TRIM10: variants seen among roughly 807,000 people sequenced by gnomAD.
The protein encoded by TRIM10 is tripartite motif containing 10.
In TRIM10, 42 loss-of-function variants were observed where a neutral mutation model predicts 40.0. The observed-to-expected ratio is 1.05, with a 90% CI of 0.82 to 1.36. The LOEUF is 1.36. Ranked by LOEUF, TRIM10 falls within the 40% of genes most tolerant of loss-of-function variation. The pLI, the probability that TRIM10 is intolerant of heterozygous loss-of-function variation, is 0.00. For missense variants in TRIM10, 601 were observed against 608.3 expected, an observed-to-expected ratio of 0.99 and a Z score of 0.13; for synonymous variants, 260 against 239.5, an observed-to-expected ratio of 1.09 and a Z score of -0.79.
In TRIM10 at chr6:30,154,096, C is replaced by T; in HGVS notation, c.1319G>A (p.Gly440Asp). Reference sequence around the variant, plus strand: ...GACAGCGTTGGTGAAGGTCACCCAGCCCACCTCATAGTCAAGAGACACCCT... The same window carrying T: ...GACAGCGTTGGTGAAGGTCACCCAGTCCACCTCATAGTCAAGAGACACCCT... ...QVRVSLDYEV[G>D]WVTFTNAVTR... The change falls in exon 7 of 7, where the codon GGC (glycine) becomes GAC (aspartate). Residue 440 changes from glycine (G) to aspartate (D), a missense_variant. Gly to Asp is a moderately conservative substitution (Grantham distance 94). Coordinates refer to ENST00000449742, the MANE Select transcript of TRIM10 (RefSeq NM_006778.4). 6.2e-7 allele frequency: 1 copy of T among 1,613,028 alleles called. No individual in the cohort carries two copies. The highest frequency in any genetic ancestry group is 1.3e-5 in the African/African-American group (1 of 75,024).
chr6:30,154,284 GC>G lies in TRIM10; in HGVS notation c.1130del (p.Gly377AlafsTer8). 6.2e-7 allele frequency: 1 copy of G among 1,612,770 alleles called. No individual in the cohort carries two copies. The highest frequency in any genetic ancestry group is 8.5e-7 in the Non-Finnish European group (1 of 1,179,758). ...CGCTCACCACGCCCACGGTGCAGCT[GC>G]CCCCATGGGCCAGGTCTATACTCAC... is the stretch of plus-strand genomic sequence containing the variant. ...WVVSIDLAHGGSCTVGVVSED... is the reference protein window; with the variant it reads ...WVVSIDLAHGXSCTVGVVSED... On this transcript the variant is annotated frameshift_variant, in exon 7 of 7. Transcript: ENST00000449742. LOFTEE classifies it high-confidence loss of function.
rs1452294848 is a variant in TRIM10, at chr6:30,152,630, C to T, written c.*1339G>A. 1 of 152,134 alleles carries T rather than the reference C, an allele frequency of 6.6e-6. No homozygotes were observed. The highest frequency in any genetic ancestry group is 6.5e-5 in the Admixed American group (1 of 15,270). The allele number at this position is 152,134 out of a possible 1,614,324, so 9.4% of individuals were successfully genotyped here. A position where few individuals can be genotyped will look rare whatever the true frequency, so the allele number is the denominator to read the frequency against. On this transcript the variant is annotated 3_prime_UTR_variant, in exon 7 of 7. Coordinates refer to ENST00000449742, the MANE Select transcript of TRIM10 (RefSeq NM_006778.4). The stretch of plus-strand genomic sequence containing the variant: ...TTGAGTTTGCACCCTGGATGGCTCC[C>T]CTCCTCCCAGGAGACCCAGTAGGGA...
At chr6:30,155,057 C>A (rs1170774373) in intron 6 of TRIM10, among the ~76,000 whole-genome samples, 1 of 152,150 alleles carries the variant, frequency 6.6e-6, no homozygotes, top group Non-Finnish European at 1.5e-5. Context: ...CCACTTTTTA[C>A]CACCAAAAAC....
chr6:30,156,906 C>T (rs764788620), intron 5 of TRIM10, 33 bp downstream of exon 5: 16 of 1,601,832 alleles, frequency 1.0e-5, no homozygotes, highest in South Asian at 8.8e-5. Context: ...TTCATGGCCA[C>T]CTGCGCTCTG....
At position 30,157,338 on chromosome 6, in the gene TRIM10, A is replaced by C. The variant is rs181340371; in HGVS notation, c.779+31T>G. 7.0e-6 allele frequency: 11 copies of C among 1,577,730 alleles called. No homozygotes were observed. The East Asian group carries it at 2.0e-4, about 29-fold the overall frequency. ...AGTACATGTATGTATATTTATATGG[A>C]AAAAGAAAAGAGAGAAACTATATTG... On this transcript the variant is annotated intron_variant, in intron 4 of 6. Coordinates refer to ENST00000449742, the MANE Select transcript of TRIM10 (RefSeq NM_006778.4).
At chr6:30,157,869 T>C (rs1203192420) in intron 3 of TRIM10, among the ~76,000 whole-genome samples, 3 of 152,106 alleles carry the variant, frequency 2.0e-5, no homozygotes, top group African/African-American at 7.2e-5. Context: ...GATGGTGAAG[T>C]GACCTTCCCC....
chr6:30,155,920 T>C (rs1020015203), intron 5 of TRIM10, among the ~76,000 whole-genome samples, 161 bp from the exon 6 acceptor site: 1 of 152,230 alleles, frequency 6.6e-6, no homozygotes, highest in Non-Finnish European at 1.5e-5. Flanking sequence ...CAGAATCATC[T>C]GGAGCTCTTG....
chr6:30,154,346 G>A lies in TRIM10; in HGVS notation c.1069C>T (p.His357Tyr). The change falls in exon 7 of 7, where the codon CAC becomes TAC. Residue 357 changes from histidine to tyrosine, a missense_variant. Transcript: ENST00000449742. ...RFDRATCVLA[H>Y]TGITGGRHTW... ...TGTCTCCCCCCTGTGATGCCAGTGTGGGCCAGAACACAGGTGGCCCGGTCA... is the reference window on the plus strand; with the variant it reads ...TGTCTCCCCCCTGTGATGCCAGTGTAGGCCAGAACACAGGTGGCCCGGTCA... 6.2e-7 allele frequency: 1 copy of A among 1,613,076 alleles called. No individual in the cohort carries two copies.
At chr6:30,157,799 A>G (rs544711734) in intron 3 of TRIM10, among the ~76,000 whole-genome samples, 4 of 151,940 alleles carry the variant, frequency 2.6e-5, no homozygotes, top group Admixed American at 2.6e-4. Context: ...AGAGTCACAG[A>G]GCATTAGGAC....
At chr6:30,163,858 G>T (rs1232098250), upstream of TRIM10, 1 of 1,613,014 alleles carries the variant, frequency 6.2e-7, no homozygotes, top group Non-Finnish European at 8.5e-7. Context: ...TGCTCTGCCC[G>T]CTCTGCCAAG....
rs907092811 is a variant in TRIM10, at chr6:30,160,941, C to T, written c.-83G>A. On this transcript the variant is annotated 5_prime_UTR_variant, in exon 1 of 7. Coordinates refer to ENST00000449742, the MANE Select transcript of TRIM10 (RefSeq NM_006778.4). Reference sequence around the variant, plus strand: ...AGGGCTGGGTCACACACTCACACACCCACACATGCACATGGCTGGACACAG... The same window carrying T: ...AGGGCTGGGTCACACACTCACACACTCACACATGCACATGGCTGGACACAG... 1 of 1,350,318 alleles carries T rather than the reference C, an allele frequency of 7.4e-7. No individual in the cohort carries two copies. The highest frequency in any genetic ancestry group is 2.4e-5 in the Admixed American group (1 of 42,068). 83.6% of individuals were successfully genotyped at this position (1,350,318 alleles called of 1,614,324 possible). A position where few individuals can be genotyped will look rare whatever the true frequency, so the allele number is the denominator to read the frequency against.
intron 4 of TRIM10, 128 bp downstream of exon 4, chr6:30,157,241 T>C: frequency 8.7e-7 from 1 of 1,148,976 alleles, no homozygotes. Context: ...TTTGGGTATA[T>C]AGAGGTTTAT....
Position 30,157,352 on chromosome 6 carries a change from G to T in TRIM10, c.779+17C>A. On this transcript the variant is annotated intron_variant, in intron 4 of 6. Coordinates refer to ENST00000449742, the MANE Select transcript of TRIM10 (RefSeq NM_006778.4). Reference sequence around the variant, plus strand: ...TATTTATATGGAAAAAGAAAAGAGAGAAACTATATTGCTTACCTTATTAGA... The same window carrying T: ...TATTTATATGGAAAAAGAAAAGAGATAAACTATATTGCTTACCTTATTAGA... 1 of 1,591,746 alleles carries T rather than the reference G, an allele frequency of 6.3e-7. No individual in the cohort carries two copies. Among genetic ancestry groups the T allele is most frequent in the Non-Finnish European group, 8.5e-7 (1 of 1,171,660 alleles).
At chr6:30,163,904 C>G (rs200404814), upstream of TRIM10, 26 of 1,613,086 alleles carry the variant, frequency 1.6e-5, no homozygotes, top group Non-Finnish European at 2.2e-5. Context: ...GGCCCCTGTG[C>G]CCCTGGGCCC....
At chr6:30,161,439 C>T (rs1169436655), upstream of TRIM10, among the ~76,000 whole-genome samples, 2 of 152,126 alleles carry the variant, frequency 1.3e-5, no homozygotes, top group African/African-American at 4.8e-5. Flanking sequence ...CTGCTGCAGG[C>T]CTCAAAAGAG....
intron 1 of TRIM10, 69 bp downstream of exon 1, chr6:30,160,361 T>C: frequency 3.9e-6 from 6 of 1,531,912 alleles, no homozygotes; most frequent in Non-Finnish European, 4.4e-6. Context: ...GCCTAAATAA[T>C]CCACAACTCT....
upstream of TRIM10, chr6:30,163,660 T>C (rs1211399476): frequency 6.3e-7 from 1 of 1,579,608 alleles, no homozygotes; most frequent in Admixed American, 1.7e-5. Context: ...GAGACCGGAG[T>C]GGACGGGCTG....
chr6:30,155,706 A>T, intron 6 of TRIM10, 21 bp downstream of exon 6: 1 of 1,613,042 alleles, frequency 6.2e-7, no homozygotes, highest in East Asian at 2.2e-5. Flanking sequence ...ATTCTCTCCC[A>T]TCCTGACATA....
At chr6:30,156,857 T>C (rs1772575020) in intron 5 of TRIM10, 82 bp downstream of exon 5, 7 of 1,238,318 alleles carry the variant, frequency 5.7e-6, no homozygotes, top group Non-Finnish European at 7.1e-6. Context: ...AGTCACACCT[T>C]TCAGCAGTGG....
Sources: allele counts gnomAD v4.1 joint callset (sites outside exome capture counted in the v4.1 genomes callset), GRCh38; gene constraint gnomAD v4.1.1; transcripts MANE v1.5; gene names NCBI Gene and HGNC (gene_info 2026-07-23, HGNC 2026-07-21).